EGLN3: variants seen among roughly 807,000 people sequenced by gnomAD.
The protein encoded by EGLN3 is egl-9 family hypoxia inducible factor 3, also known as prolyl hydroxylase EGLN3.
Under a neutral mutation model 26.0 loss-of-function variants are expected in EGLN3, and 15 were observed. The observed-to-expected ratio is 0.58, with a 90% CI of 0.39 to 0.89. The LOEUF (loss-of-function observed/expected upper bound fraction) is 0.89, where lower values mean the gene tolerates loss of function less well. EGLN3 is among the 40% of genes least tolerant of loss of function. The pLI is 0.00. For synonymous variants in EGLN3, 147 were observed against 127.2 expected, an observed-to-expected ratio of 1.16 and a Z score of -1.05; for missense variants, 238 against 311.6, an observed-to-expected ratio of 0.76 and a Z score of 1.78.
intron 1 of EGLN3, among the ~76,000 whole-genome samples, chr14:33,936,992 G>A (rs2064447823): frequency 1.3e-5 from 2 of 152,198 alleles, no homozygotes; most frequent in Admixed American, 1.3e-4. Context: ...CATCTCCCTT[G>A]TTCAGGGATA....
At position 33,950,760 on chromosome 14, in the gene EGLN3, G is replaced by A; in HGVS notation, c.-8C>T. On this transcript the variant is annotated 5_prime_UTR_variant, in exon 1 of 5. Transcript: ENST00000250457. ...GATGTGTCCCAGGGGCATCTCGCCC[G>A]CAGAATCGAGGTCCGGGATCCCCAG... 6.3e-7 allele frequency: 1 copy of A among 1,593,008 alleles called. No individual in the cohort carries two copies. The highest frequency in any genetic ancestry group is 1.1e-5 in the South Asian group (1 of 89,364).
At chr14:33,927,193 T>TTTATTTA (rs1234551753) in intron 3 of EGLN3, among the ~76,000 whole-genome samples, 160 bp from the exon 4 acceptor site, 9 of 34,228 alleles carry the variant, frequency 2.6e-4, no homozygotes, top group South Asian at 1.1e-3. Flanking sequence ...TTATTTATTT[T>TTTATTTA]TTGAGATGGA....
In EGLN3 at chr14:33,925,822, C is replaced by G. The variant is rs2064358233; in HGVS notation, c.*69G>C. On this transcript the variant is annotated 3_prime_UTR_variant, in exon 5 of 5. Transcript: ENST00000250457. ...GTCACTGAAGAGGCCATCTTTGGAT[C>G]TCAAAGAATTTAAGAGAATTCAGGA... The G allele has an allele frequency of 6.4e-7, 1 of 1,565,482 alleles. No individual in the cohort carries two copies. The highest frequency in any genetic ancestry group is 8.8e-7 in the Non-Finnish European group (1 of 1,136,574).
chr14:33,927,027 A>G lies in EGLN3; in HGVS notation c.621T>C (p.Ala207=). Residue 207 remains alanine, a synonymous_variant, in exon 4 of 5, where the codon GCT becomes GCC. Transcript: ENST00000250457. ...EVQPSYATRY[A]MTVWYFDAEE... is the part of the protein sequence containing the mutation. ...CAGCATCAAAGTACCAGACAGTCAT[A>G]GCATATCTGTGAAAGATAAGCAGAT... 6.3e-7 allele frequency: 1 copy of G among 1,597,068 alleles called. No individual in the cohort carries two copies. Among genetic ancestry groups the G allele is most frequent in the South Asian group, 1.1e-5 (1 of 87,498 alleles).
chr14:33,933,098 G>T (rs933683689), intron 1 of EGLN3, among the ~76,000 whole-genome samples: 9 of 152,076 alleles, frequency 5.9e-5, no homozygotes, highest in African/African-American at 2.2e-4. Context: ...TAAGGAAAAG[G>T]TCAGTGGTCT....
intron 4 of EGLN3, 65 bp downstream of exon 4, chr14:33,926,895 A>G: frequency 8.0e-7 from 1 of 1,250,862 alleles, no homozygotes; most frequent in Middle Eastern, 2.0e-4. Context: ...TTAAAACTAC[A>G]TAAAATTGAA....
chr14:33,934,087 C>T (rs1483151763), intron 1 of EGLN3, among the ~76,000 whole-genome samples: 1 of 152,154 alleles, frequency 6.6e-6, no homozygotes, highest in Admixed American at 6.5e-5. Context: ...CAGTATAGTC[C>T]TATAGTTCTA....
chr14:33,950,675 C>T lies in EGLN3; in HGVS notation c.78G>A (p.Val26=). The change falls in exon 1 of 5, where the codon GTG becomes GTA. Residue 26 remains valine, a synonymous_variant. Coordinates refer to ENST00000250457, the MANE Select transcript of EGLN3 (RefSeq NM_022073.4). ...GGAAGTTGTCCAGGTAGCAGAAGCC[C>T]ACCTCGTGCAGACAGGGCACGATGT... ...LEYIVPCLHE[V]GFCYLDNFLG... The T allele has an allele frequency of 6.2e-7, 1 of 1,614,056 alleles. No homozygotes were observed. The highest frequency in any genetic ancestry group is 8.5e-7 in the Non-Finnish European group (1 of 1,179,966).
intron 1 of EGLN3, among the ~76,000 whole-genome samples, chr14:33,933,649 G>A (rs1366888476): frequency 6.6e-6 from 1 of 152,118 alleles, no homozygotes; most frequent in Non-Finnish European, 1.5e-5. Flanking sequence ...TAGGAGATGG[G>A]TCTTTGCTTG....
chr14:33,928,985 C>G, intron 3 of EGLN3, 91 bp downstream of exon 3: 1 of 1,489,028 alleles, frequency 6.7e-7, no homozygotes, highest in Non-Finnish European at 9.1e-7. Flanking sequence ...GGTCAATCCC[C>G]CACATGCACA....
chr14:33,934,646 T>C (rs1051727724), intron 1 of EGLN3, among the ~76,000 whole-genome samples: 1 of 152,148 alleles, frequency 6.6e-6, no homozygotes, highest in African/African-American at 2.4e-5. Context: ...CACTAGGCAA[T>C]GATGATCATT....
chr14:33,925,947 TAA>T (rs1566595918), intron 4 of EGLN3, 25 bp from the exon 5 acceptor site: 3 of 1,611,944 alleles, frequency 1.9e-6, no homozygotes, highest in Non-Finnish European at 2.5e-6. Context: ...GAAAGGAGAA[TAA>T]AGAGGGTATG....
At chr14:33,931,387 C>A in intron 1 of EGLN3, 172 bp from the exon 2 acceptor site, 1 of 872,488 alleles carries the variant, frequency 1.1e-6, no homozygotes. Context: ...CTTCTGTGCA[C>A]AATGGCCAGG....
intron 1 of EGLN3, among the ~76,000 whole-genome samples, chr14:33,933,695 G>T (rs143744357): frequency 6.6e-6 from 1 of 152,142 alleles, no homozygotes; most frequent in Non-Finnish European, 1.5e-5. Flanking sequence ...CTTTGACAGG[G>T]TCTAAAACCA....
At chr14:33,941,291 C>G (rs1173590645) in intron 1 of EGLN3, among the ~76,000 whole-genome samples, 1 of 152,124 alleles carries the variant, frequency 6.6e-6, no homozygotes, top group Non-Finnish European at 1.5e-5. Context: ...AGGACCAGAA[C>G]CTGGGGCCCT....
intron 1 of EGLN3, among the ~76,000 whole-genome samples, chr14:33,940,154 T>C (rs1320555972): frequency 6.6e-6 from 1 of 152,220 alleles, no homozygotes; most frequent in Non-Finnish European, 1.5e-5. Context: ...GTCTTTGCTT[T>C]GGTTATTCCC....
At chr14:33,942,856 AATCAAAAATTAGCT>A (rs1446072839) in intron 1 of EGLN3, among the ~76,000 whole-genome samples, 2 of 152,228 alleles carry the variant, frequency 1.3e-5, no homozygotes, top group East Asian at 3.8e-4. Context: ...CCTTCTAAAG[AATCAAAAATTAGCT>A]TGATTTAATA....
intron 1 of EGLN3, among the ~76,000 whole-genome samples, chr14:33,938,901 A>G (rs2064461048): frequency 6.6e-6 from 1 of 152,222 alleles, no homozygotes; most frequent in Non-Finnish European, 1.5e-5. Flanking sequence ...AGAAGTTATC[A>G]CAGGTATTTC....
At chr14:33,941,558 C>T (rs541125601) in intron 1 of EGLN3, among the ~76,000 whole-genome samples, 68 of 144,344 alleles carry the variant, frequency 4.7e-4, no homozygotes, top group African/African-American at 1.6e-3. Context: ...TCTATCCCCC[C>T]CAAAAAAAAT....
Sources: allele counts gnomAD v4.1 joint callset (sites outside exome capture counted in the v4.1 genomes callset), GRCh38; gene constraint gnomAD v4.1.1; transcripts MANE v1.5; gene names NCBI Gene and HGNC (gene_info 2026-07-23, HGNC 2026-07-21).